Variants in KIF1B observed in about 807,000 individuals in gnomAD.
KIF1B encodes kinesin family member 1B.
Under a neutral mutation model 241.9 loss-of-function variants are expected in KIF1B, and 76 were observed. The ratio of observed to expected loss-of-function variants is 0.31; its 90% CI spans 0.26 to 0.38. The LOEUF (loss-of-function observed/expected upper bound fraction) is 0.38, where lower values mean the gene tolerates loss of function less well. Among genes scored for constraint, KIF1B ranks in the 10% least tolerant of loss-of-function variants. The probability of loss-of-function intolerance (pLI) is 1.00; values close to 1 mark genes in which losing one functional copy is unlikely to be tolerated. For synonymous variants in KIF1B, 750 were observed against 796.7 expected, an observed-to-expected ratio of 0.94 and a Z score of 0.99; for missense variants, 1,622 against 2,271.4, an observed-to-expected ratio of 0.71 and a Z score of 5.81.
At chr1:10,320,533 A>C (rs189243509) in intron 23 of KIF1B, among the ~76,000 whole-genome samples, 1 of 152,124 alleles carries the variant, frequency 6.6e-6, no homozygotes, top group Non-Finnish European at 1.5e-5. Context: ...CATATTGCTT[A>C]GTCATGTTTG....
intron 2 of KIF1B, among the ~76,000 whole-genome samples, chr1:10,253,198 G>A (rs1647565885): frequency 6.6e-6 from 1 of 152,162 alleles, no homozygotes; most frequent in African/African-American, 2.4e-5. Context: ...TGTGAACTCT[G>A]GAGCCAAACC....
At chr1:10,330,015 T>C (rs1279091272) in intron 27 of KIF1B, among the ~76,000 whole-genome samples, 3 of 152,210 alleles carry the variant, frequency 2.0e-5, no homozygotes, top group African/African-American at 7.2e-5. Flanking sequence ...CACCATAATT[T>C]TGCTAATTTT....
intron 37 of KIF1B, among the ~76,000 whole-genome samples, chr1:10,352,132 A>G (rs1442543266): frequency 6.8e-6 from 1 of 148,116 alleles, no homozygotes; most frequent in East Asian, 2.0e-4. Context: ...AGGTGTGAAT[A>G]GCAGGTCAGA....
rs1478370788 is a variant in KIF1B, at chr1:10,353,539, G to A, written c.4055+803G>A. On this transcript the variant is annotated intron_variant, in intron 38 of 48. Transcript: ENST00000676179. ...GGAGCGGCTGCCTCTTCTAATGTGG[G>A]CTGAGCACACTGCCTTCCCACCACA... 2.0e-5 allele frequency among the ~76,000 whole-genome samples: 3 copies of A among 152,240 alleles called. No individual in the cohort carries two copies. In the East Asian group the frequency reaches 5.8e-4, roughly 29 times the overall value.
intron 1 of KIF1B, among the ~76,000 whole-genome samples, chr1:10,226,290 T>C (rs560759008): frequency 2.6e-5 from 4 of 152,322 alleles, no homozygotes; most frequent in African/African-American, 7.2e-5. Flanking sequence ...TCGGCTTTAG[T>C]TGTGTGAGAT....
At chr1:10,316,622 C>A (rs1279636621) in intron 22 of KIF1B, among the ~76,000 whole-genome samples, 1 of 151,214 alleles carries the variant, frequency 6.6e-6, no homozygotes, top group African/African-American at 2.5e-5. Context: ...TACCTCAGCC[C>A]CTCTAGTAGC....
intron 22 of KIF1B, chr1:10,306,505 G>A: frequency 1.2e-6 from 1 of 820,130 alleles, no homozygotes; most frequent in Non-Finnish European, 1.5e-6. Flanking sequence ...CAGCTACTTA[G>A]GAGGCTGAAG....
Position 10,303,970 on chromosome 1 carries a change from TTTAAGA to T in KIF1B, c.2115+6725_2115+6730del. 1 of 1,613,848 alleles carries T rather than the reference TTTAAGA, an allele frequency of 6.2e-7. No individual in the cohort carries two copies. Among genetic ancestry groups the T allele is most frequent in the South Asian group, 1.1e-5 (1 of 91,054 alleles). The stretch of plus-strand genomic sequence containing the variant: ...CTGGATGAGGCAAGAGCAAATTCGG[TTTAAGA>T]ACTTGCAACAGCAGGAGATAACAAA... On this transcript the variant is annotated intron_variant, in intron 22 of 48. Transcript: ENST00000676179. This position sits in a 1 kb window ranked among gnomAD's most constrained non-coding sequence, Gnocchi z 5.2.
chr1:10,219,049 A>G (rs1303742266), intron 1 of KIF1B, among the ~76,000 whole-genome samples: 1 of 152,208 alleles, frequency 6.6e-6, no homozygotes, highest in African/African-American at 2.4e-5. Context: ...GGGAAAGATA[A>G]ATTGTACAAT....
rs1204039045 is a variant in KIF1B at position 10,277,271 on chromosome 1, C to T, written c.1038-715C>T. Among the ~76,000 whole-genome samples the T allele has an allele frequency of 2.7e-5, 4 of 150,590 alleles. No individual in the cohort carries two copies. The East Asian group carries it at 5.8e-4, about 22-fold the overall frequency. ...GGCCAGCCCAGGCAACGTAGTGAGA[C>T]TCTGTCTCTTAAAAAAAAAAAAAGA... On this transcript the variant is annotated intron_variant, in intron 12 of 48. Coordinates refer to ENST00000676179, the MANE Select transcript of KIF1B (RefSeq NM_001365951.3).
intron 27 of KIF1B, among the ~76,000 whole-genome samples, chr1:10,331,233 G>A (rs895691089): frequency 2.6e-5 from 4 of 152,242 alleles, no homozygotes; most frequent in Admixed American, 6.5e-5. Context: ...GCCCATAATA[G>A]AGGAGGGTGA....
At chr1:10,265,518 G>A (rs1648409661) in intron 5 of KIF1B, among the ~76,000 whole-genome samples, 2 of 152,200 alleles carry the variant, frequency 1.3e-5, no homozygotes, top group South Asian at 4.1e-4. Flanking sequence ...TTCCAGGCAT[G>A]AGCCACCATG....
rs1331447724 is a variant in KIF1B, at chr1:10,334,656, G to A, written c.3043+18G>A. ...CATCGCAGGTAGGTGACCCTCTTCT[G>A]AAATGAGAGCTGTGAGTTCTTTGTC... On this transcript the variant is annotated intron_variant, in intron 28 of 48. Coordinates refer to ENST00000676179, the MANE Select transcript of KIF1B (RefSeq NM_001365951.3). The A allele has an allele frequency of 1.3e-6, 2 of 1,574,574 alleles. No individual in the cohort carries two copies. The highest frequency in any genetic ancestry group is 1.1e-5 in the South Asian group (1 of 90,122).
At chr1:10,268,930 C>T (rs896432132) in intron 7 of KIF1B, among the ~76,000 whole-genome samples, 1 of 152,020 alleles carries the variant, frequency 6.6e-6, no homozygotes, top group Admixed American at 6.6e-5. Flanking sequence ...AAAGATTAAG[C>T]GTTAATATAG....
chr1:10,361,116 G>T (rs1368795409), intron 39 of KIF1B, 73 bp downstream of exon 39: 8 of 978,310 alleles, frequency 8.2e-6, no homozygotes, highest in Non-Finnish European at 1.2e-5. Flanking sequence ...GCAGGAAGTG[G>T]TCAGCGAAGA....
At chr1:10,295,930 C>T (rs1367596856) in intron 19 of KIF1B, among the ~76,000 whole-genome samples, 164 bp downstream of exon 19, 1 of 151,684 alleles carries the variant, frequency 6.6e-6, no homozygotes, top group African/African-American at 2.4e-5. Flanking sequence ...ATGGACAAGG[C>T]TGCTTTACAT....
rs767564247 is a variant in KIF1B at position 10,323,915 on chromosome 1, C to T, written c.2390C>T (p.Thr797Ile). The T allele has an allele frequency of 6.2e-7, 1 of 1,614,094 alleles. No homozygotes were observed. Among genetic ancestry groups the T allele is most frequent in the South Asian group, 1.1e-5 (1 of 91,078 alleles). Residue 797 changes from threonine to isoleucine, a missense_variant, in exon 25 of 49, where the codon ACA (threonine) becomes ATA (isoleucine). Physicochemically the swap from Thr to Ile is moderately conservative, Grantham distance 89. This residue lies in a region of KIF1B where 803 missense variants were observed against 1,112.0 expected (regional missense o/e 0.72). Transcript: ENST00000676179. ...TTTCAGTTTGTTCTGCTGACTGACA[C>T]ACTGTACTCCCCTTTGCCTCCTGAA... ...VQFQFVLLTD[T>I]LYSPLPPELL... is the part of the protein sequence containing the mutation.
chr1:10,218,087 C>T (rs1195621954), intron 1 of KIF1B, among the ~76,000 whole-genome samples: 1 of 152,076 alleles, frequency 6.6e-6, no homozygotes, highest in Non-Finnish European at 1.5e-5. Flanking sequence ...TCCTTCATTC[C>T]TATTTGCTCT....
chr1:10,293,393 AT>A (rs34521613), intron 17 of KIF1B, among the ~76,000 whole-genome samples: 49,873 of 128,592 alleles, frequency 0.39, 9,238 homozygotes, highest in African/African-American at 0.44. Context: ...CTGTGAGGAA[AT>A]TTTTTTTTTT....
Sources: gnomAD v4.1 joint callset for allele counts (sites outside exome capture counted in the v4.1 genomes callset) on GRCh38, gnomAD v4.1.1 for gene constraint, gnomAD v4.1.1 regional missense constraint, Gnocchi (gnomAD v3.1) non-coding constraint, MANE v1.5 for transcripts, NCBI Gene and HGNC (gene_info 2026-07-23, HGNC 2026-07-21) for gene names.